The following SPTBN2 variants were observed in gnomAD, a reference collection of about 807,000 sequenced individuals.
SPTBN2 encodes spectrin beta chain, non-erythrocytic 2.
SPTBN2 carries 107 observed loss-of-function variants against 284.2 expected under a neutral mutation model. The observed-to-expected ratio is 0.38, with a 90% confidence interval of 0.32 to 0.44. SPTBN2 has a LOEUF of 0.44. SPTBN2 is among the 20% of genes least tolerant of loss of function. SPTBN2 has a pLI of 1.00. For missense variants in SPTBN2, 2,569 were observed against 3,287.1 expected (o/e 0.78, Z 5.34); for synonymous variants, 1,289 against 1,354.8 (o/e 0.95, Z 1.07).
intron 5 of SPTBN2, among the ~76,000 whole-genome samples, chr11:66,714,694 C>T (rs942155034): frequency 7.9e-5 from 12 of 152,204 alleles, no homozygotes; most frequent in South Asian, 2.1e-4. Context: ...TTTCTGAGAG[C>T]TGGCTCTCCA....
In SPTBN2 at chr11:66,685,561, G is replaced by A. The variant is rs1940052395; in HGVS notation, c.*310C>T. 1 of 397,784 alleles carries A rather than the reference G, an allele frequency of 2.5e-6. No individual in the cohort carries two copies. The highest frequency in any genetic ancestry group is 4.8e-6 in the Non-Finnish European group (1 of 209,206). 24.6% of individuals were successfully genotyped at this position (397,784 alleles called of 1,614,324 possible). A position where few individuals can be genotyped will look rare whatever the true frequency, so the allele number is the denominator to read the frequency against. ...GGCAGCCACTCCCCACATGGCCTATGTTGAGGGTGCGGCACTGTCCACACC... is the reference window on the plus strand; with the variant it reads ...GGCAGCCACTCCCCACATGGCCTATATTGAGGGTGCGGCACTGTCCACACC... On this transcript the variant is annotated 3_prime_UTR_variant, in exon 38 of 38. Coordinates refer to ENST00000533211, the MANE Select transcript of SPTBN2 (RefSeq NM_006946.4). The surrounding 1 kb of genome is among the most constrained non-coding windows in gnomAD (Gnocchi z 4.4).
At chr11:66,716,302 T>C (rs11601857) in intron 3 of SPTBN2, among the ~76,000 whole-genome samples, 1 of 151,864 alleles carries the variant, frequency 6.6e-6, no homozygotes, top group East Asian at 1.9e-4. Context: ...GCTAACACGG[T>C]GAAACCCCGT....
chr11:66,702,713 T>C (rs1174257356), intron 15 of SPTBN2, among the ~76,000 whole-genome samples: 1 of 151,400 alleles, frequency 6.6e-6, no homozygotes, highest in Non-Finnish European at 1.5e-5. Flanking sequence ...CTGAGATGGG[T>C]GGATCACAAG....
chr11:66,744,492 CTATCTTTGAGAGGAGGGAGGAGTCGT>C, intron 1 of SPTBN2: 2 of 179,666 alleles, frequency 1.1e-5, no homozygotes, highest in Non-Finnish European at 2.3e-5. Flanking sequence ...CCGTGGGAAA[CTATCTTTGAGAGGAGGGAGGAGTCGT>C]GGCCTGGCCT....
At position 66,693,962 on chromosome 11, in the gene SPTBN2, T is replaced by G; in HGVS notation, c.4504-101A>C. 1 of 1,326,888 alleles carries G rather than the reference T, an allele frequency of 7.5e-7. No homozygotes were observed. Among genetic ancestry groups the G allele is most frequent in the East Asian group, 2.4e-5 (1 of 41,266 alleles). The allele number at this position is 1,326,888 out of a possible 1,614,324, so 82.2% of individuals were successfully genotyped here. ...ACACCTGGGGCTACCGCCCTGTGTG[T>G]GGGGAACAGTCATCTCTGGTTCTGG... On this transcript the variant is annotated intron_variant, in intron 22 of 37. Coordinates refer to ENST00000533211, the MANE Select transcript of SPTBN2 (RefSeq NM_006946.4). This position sits in a 1 kb window ranked among gnomAD's most constrained non-coding sequence, Gnocchi z 5.7.
chr11:66,693,305 G>A lies in SPTBN2; in HGVS notation c.4735C>T (p.Leu1579Phe), dbSNP rs2135359581. Residue 1579 changes from leucine to phenylalanine, a missense_variant, in exon 24 of 38, where the codon CTT becomes TTT. By Grantham distance (22) the Leu-to-Phe change is conservative. Around this residue, in one of 6 missense-constraint regions of SPTBN2, gnomAD observed 1,130 missense variants for 1,317.3 expected, o/e 0.86. Coordinates refer to ENST00000533211, the MANE Select transcript of SPTBN2 (RefSeq NM_006946.4). This position sits in a 1 kb window ranked among gnomAD's most constrained non-coding sequence, Gnocchi z 5.7. Reference sequence around the variant, plus strand: ...GCATCCTCCAGTCGCTTCCCTCGAAGTTCCAGCTCGTGGCCCAGGCGTTTC... The same window carrying A: ...GCATCCTCCAGTCGCTTCCCTCGAAATTCCAGCTCGTGGCCCAGGCGTTTC... ...MWKRLGHELE[L>F]RGKRLEDALR... 6.2e-7 allele frequency: 1 copy of A among 1,613,062 alleles called. No individual in the cohort carries two copies. Among genetic ancestry groups the A allele is most frequent in the Non-Finnish European group, 8.5e-7 (1 of 1,180,026 alleles).
Position 66,688,781 on chromosome 11 carries a change from G to A in SPTBN2, c.6103C>T (p.Leu2035=). 6.2e-7 allele frequency: 1 copy of A among 1,613,224 alleles called. No individual in the cohort carries two copies. The highest frequency in any genetic ancestry group is 1.1e-5 in the South Asian group (1 of 91,092). ...AEAWLCSQEP[L]VRSAELGCTV... The stretch of plus-strand genomic sequence containing the variant: ...CAACCCAGCTCAGCGCTGCGCACCA[G>A]TGGCTCCTGGCTGCAGAGCCAGGCC... The change falls in exon 31 of 38, where the codon CTG becomes TTG. Residue 2035 remains leucine, a synonymous_variant. Transcript: ENST00000533211.
chr11:66,695,744 G>GT lies in SPTBN2; in HGVS notation c.4278+532dup, dbSNP rs1194115512. 4.9e-3 allele frequency among the ~76,000 whole-genome samples: 708 copies of GT among 145,718 alleles called. 2 individuals are homozygous for GT. Among genetic ancestry groups the GT allele is most frequent in the African/African-American group, 0.011 (427 of 39,980 alleles). On this transcript the variant is annotated intron_variant, in intron 21 of 37. Coordinates refer to ENST00000533211, the MANE Select transcript of SPTBN2 (RefSeq NM_006946.4). ...CCACCTTTTACTAATTTATACTTCTGTTTTTTTTTTTGAGACAGAGGCTTG... is the reference window on the plus strand; with the variant it reads ...CCACCTTTTACTAATTTATACTTCTGTTTTTTTTTTTTGAGACAGAGGCTTG...
chr11:66,711,327 C>T (rs1941855413), intron 8 of SPTBN2, among the ~76,000 whole-genome samples: 1 of 152,154 alleles, frequency 6.6e-6, no homozygotes, highest in African/African-American at 2.4e-5. Flanking sequence ...GGAAGAAAAG[C>T]AAGAAAAGAA....
At chr11:66,722,876 G>C (rs1266634882) in intron 1 of SPTBN2, among the ~76,000 whole-genome samples, 2 of 139,122 alleles carry the variant, frequency 1.4e-5, no homozygotes, top group Non-Finnish European at 1.5e-5. Flanking sequence ...CTGCGAGAGA[G>C]AGTGAGATTC....
In SPTBN2 at chr11:66,714,092, G is replaced by A. The variant is rs770733211; in HGVS notation, c.655C>T (p.Arg219Trp). The change falls in exon 7 of 38, where the codon CGG (arginine) becomes TGG (tryptophan). Residue 219 changes from arginine (R) to tryptophan (W), a missense_variant and splice_region_variant. By Grantham distance (101) the Arg-to-Trp change is moderately radical. Transcript: ENST00000533211. ...LAFNAIVHKHRPDLLDFESLK... is the reference protein window; with the variant it reads ...LAFNAIVHKHWPDLLDFESLK... ...CGTTTGCTAACCCCATCTTCTCACC[G>A]GTGTTTATGCACGATGGCGTTGAAA... is the stretch of plus-strand genomic sequence containing the variant. 10 of 1,614,066 alleles carry A rather than the reference G, an allele frequency of 6.2e-6. No individual in the cohort carries two copies. The highest frequency in any genetic ancestry group is 1.3e-5 in the African/African-American group (1 of 74,940).
At position 66,693,318 on chromosome 11, in the gene SPTBN2, G is replaced by A; in HGVS notation, c.4722C>T (p.Gly1574=). 6.2e-7 allele frequency: 1 copy of A among 1,612,138 alleles called. No individual in the cohort carries two copies. Among genetic ancestry groups the A allele is most frequent in the East Asian group, 2.2e-5 (1 of 44,882 alleles). The change falls in exon 24 of 38, where the codon GGC becomes GGT. Residue 1574 remains glycine, a synonymous_variant. Transcript: ENST00000533211. This position sits in a 1 kb window ranked among gnomAD's most constrained non-coding sequence, Gnocchi z 5.7. ...AELQEMWKRL[G]HELELRGKRL... is the part of the protein sequence containing the mutation. ...GCTTCCCTCGAAGTTCCAGCTCGTG[G>A]CCCAGGCGTTTCCACATTTCCTGCA...
chr11:66,716,203 G>T (rs982247605), intron 3 of SPTBN2, among the ~76,000 whole-genome samples: 2 of 152,132 alleles, frequency 1.3e-5, no homozygotes, highest in Non-Finnish European at 2.9e-5. Context: ...ATAGGCGAAG[G>T]TTGGGTGTGG....
At chr11:66,719,912 C>T (rs1942315927) in intron 3 of SPTBN2, among the ~76,000 whole-genome samples, 2 of 152,110 alleles carry the variant, frequency 1.3e-5, no homozygotes, top group Admixed American at 1.3e-4. Flanking sequence ...TCACAGCCGG[C>T]CTGAAGACCC....
chr11:66,715,477 C>T lies in SPTBN2; in HGVS notation c.310-82G>A, dbSNP rs1485998111. On this transcript the variant is annotated intron_variant, in intron 4 of 37. Transcript: ENST00000533211. The surrounding 1 kb of genome is among the most constrained non-coding windows in gnomAD (Gnocchi z 5.3). The stretch of plus-strand genomic sequence containing the variant: ...AGCCTTCACAGGGCCCAGCTTTGCA[C>T]ACCTTCCCCATGACCTACCTCAGGA... 3.9e-6 allele frequency: 6 copies of T among 1,521,544 alleles called. No homozygotes were observed. In the African/African-American group the frequency reaches 5.5e-5, roughly 14 times the overall value. The allele number at this position is 1,521,544 out of a possible 1,614,324, so 94.3% of individuals were successfully genotyped here.
rs1191629616 is a variant in SPTBN2, at chr11:66,718,929, C to T, written c.157+2155G>A. On this transcript the variant is annotated intron_variant, in intron 3 of 37. Transcript: ENST00000533211. This position sits in a 1 kb window ranked among gnomAD's most constrained non-coding sequence, Gnocchi z 4.8. Reference sequence around the variant, plus strand: ...GGCAGGGCCAGGCCCTGCGGGGCGGCGGAGGAGGGCACTGCCAGCGCCTTC... The same window carrying T: ...GGCAGGGCCAGGCCCTGCGGGGCGGTGGAGGAGGGCACTGCCAGCGCCTTC... Among the ~76,000 whole-genome samples, 8 of 152,128 alleles carry T rather than the reference C, an allele frequency of 5.3e-5. No homozygotes were observed. The highest frequency in any genetic ancestry group is 1.9e-4 in the East Asian group (1 of 5,188).
At chr11:66,727,957 C>T (rs1590993063) in intron 1 of SPTBN2, 1 of 150,274 alleles carries the variant, frequency 6.7e-6, no homozygotes, top group Non-Finnish European at 1.5e-5. Flanking sequence ...CCCCCTCGGC[C>T]TTGGCCCCCA....
Position 66,686,067 on chromosome 11 carries a change from G to A in SPTBN2, c.6977C>T (p.Ala2326Val). Residue 2326 changes from alanine to valine, a missense_variant, in exon 38 of 38, where the codon GCC (alanine) becomes GTC (valine). Coordinates refer to ENST00000533211, the MANE Select transcript of SPTBN2 (RefSeq NM_006946.4). ...AGAGGCAGAAGACGCTGTGGCAATG[G>A]CTGCATTCACCACCCGTAGCCACGA... ...MSSWLRVVNA[A>V]IATASSASGE... 7 of 1,613,786 alleles carry A rather than the reference G, an allele frequency of 4.3e-6. No homozygotes were observed. The highest frequency in any genetic ancestry group is 5.9e-6 in the Non-Finnish European group (7 of 1,179,970).
At chr11:66,690,738 A>G (rs955540254) in intron 27 of SPTBN2, among the ~76,000 whole-genome samples, 1 of 152,100 alleles carries the variant, frequency 6.6e-6, no homozygotes, top group Non-Finnish European at 1.5e-5. Flanking sequence ...GCCACTGGGA[A>G]CCCCTGAAGA....
Sources: allele counts gnomAD v4.1 joint callset (sites outside exome capture counted in the v4.1 genomes callset), GRCh38; gene constraint gnomAD v4.1.1; regional missense constraint gnomAD v4.1.1; non-coding constraint Gnocchi (gnomAD v3.1); transcripts MANE v1.5; gene names NCBI Gene and HGNC (gene_info 2026-07-23, HGNC 2026-07-21).